Variants in SMG1 observed in about 807,000 individuals in gnomAD.
SMG1 encodes the protein serine/threonine-protein kinase SMG1.
SMG1 carries 22 observed loss-of-function variants against 419.9 expected under a neutral mutation model. That is an observed-to-expected ratio of 0.05 (90% CI 0.04 to 0.07). The LOEUF is 0.07. Ranked by LOEUF, SMG1 falls within the 10% of genes least tolerant of loss-of-function variation. The pLI, the probability that SMG1 is intolerant of heterozygous loss-of-function variation, is 1.00. For synonymous variants in SMG1, 1,538 were observed against 1,553.5 expected (o/e 0.99, Z 0.23); for missense variants, 3,185 against 4,342.0 (o/e 0.73, Z 7.49).
chr16:18,917,869 GC>G (rs1567464711), intron 1 of SMG1, among the ~76,000 whole-genome samples: 1 of 150,724 alleles, frequency 6.6e-6, no homozygotes, highest in Non-Finnish European at 1.5e-5. Flanking sequence ...GAGCCACCAC[GC>G]CCAGCCCACA....
intron 56 of SMG1, among the ~76,000 whole-genome samples, chr16:18,818,983 A>AT (rs2032273955): frequency 6.6e-6 from 1 of 152,020 alleles, no homozygotes; most frequent in Non-Finnish European, 1.5e-5. Context: ...CACCCAGCTA[A>AT]TTTTTTTGTA....
Position 18,806,087 on chromosome 16 carries a change from A to C in SMG1, c.*3482T>G, listed in dbSNP as rs2030806077. 1 of 152,640 alleles carries C rather than the reference A, an allele frequency of 6.6e-6. No homozygotes were observed. Among genetic ancestry groups the C allele is most frequent in the Non-Finnish European group, 1.5e-5 (1 of 68,042 alleles). The allele number at this position is 152,640 out of a possible 1,614,324, so 9.5% of individuals were successfully genotyped here. On this transcript the variant is annotated 3_prime_UTR_variant, in exon 63 of 63. Transcript: ENST00000446231. ...TACTGCCTATAATACCCCAGATTAA[A>C]AAGGACCGAAGATTGCACATCAAGT...
chr16:18,816,565 C>T (rs758309279), intron 57 of SMG1, 36 bp from the exon 58 acceptor site: 3 of 1,558,016 alleles, frequency 1.9e-6, no homozygotes, highest in African/African-American at 1.4e-5. Context: ...CTTCGAGTAT[C>T]AGCTGAAATA....
chr16:18,922,503 T>C (rs1252865614), intron 1 of SMG1, among the ~76,000 whole-genome samples: 1 of 152,198 alleles, frequency 6.6e-6, no homozygotes, highest in Admixed American at 6.5e-5. Flanking sequence ...TCTTGCTCTG[T>C]TGCCCAGGCT....
intron 15 of SMG1, 35 bp downstream of exon 15, chr16:18,872,149 G>C: frequency 8.3e-7 from 1 of 1,211,618 alleles, no homozygotes; most frequent in Non-Finnish European, 1.1e-6. Flanking sequence ...AATTAACAAA[G>C]TTAGGAATAG....
At chr16:18,909,471 G>A (rs950826505) in intron 1 of SMG1, among the ~76,000 whole-genome samples, 1 of 152,162 alleles carries the variant, frequency 6.6e-6, no homozygotes, top group Non-Finnish European at 1.5e-5. Context: ...TCGAGCCCAG[G>A]AGTTTGAGAC....
At chr16:18,899,352 ATT>A (rs1229694329) in intron 1 of SMG1, among the ~76,000 whole-genome samples, 1 of 152,120 alleles carries the variant, frequency 6.6e-6, no homozygotes, top group Non-Finnish European at 1.5e-5. Flanking sequence ...CCCAAAAAAA[ATT>A]TGTGTTTTCA....
rs2034365306 is a variant in SMG1 at position 18,847,999 on chromosome 16, A to C, written c.5658T>G (p.Leu1886=). 3 of 1,613,830 alleles carry C rather than the reference A, an allele frequency of 1.9e-6. No individual in the cohort carries two copies. Among genetic ancestry groups the C allele is most frequent in the Non-Finnish European group, 2.5e-6 (3 of 1,179,850 alleles). The change falls in exon 37 of 63, where the codon CTT becomes CTG. Residue 1886 remains leucine, a synonymous_variant. Coordinates refer to ENST00000446231, the MANE Select transcript of SMG1 (RefSeq NM_015092.5). ...GCAATTCTTCTCCTTGAATATTGCCAAGTAAAGTTGGAATTGCAGTGGAAA... is the reference window on the plus strand; with the variant it reads ...GCAATTCTTCTCCTTGAATATTGCCCAGTAAAGTTGGAATTGCAGTGGAAA... ...NKFSTAIPTL[L]GNIQGEELLV...
At chr16:18,900,470 TGTAA>T (rs2037303378) in intron 1 of SMG1, among the ~76,000 whole-genome samples, 2 of 152,116 alleles carry the variant, frequency 1.3e-5, no homozygotes, top group African/African-American at 4.8e-5. Flanking sequence ...AGTCCATTCT[TGTAA>T]GTATTAGAGA....
At chr16:18,862,754 ACAGC>A (rs1485256026) in intron 25 of SMG1, among the ~76,000 whole-genome samples, 7 of 152,202 alleles carry the variant, frequency 4.6e-5, no homozygotes, top group Admixed American at 4.6e-4. Flanking sequence ...TACTAGAATA[ACAGC>A]CAAAGTTCTT....
At chr16:18,858,822 C>T (rs184899481) in intron 28 of SMG1, 200 bp downstream of exon 28, 6 of 472,304 alleles carry the variant, frequency 1.3e-5, no homozygotes, top group African/African-American at 1.2e-4. Context: ...ATTTGCCATC[C>T]TTGAGATTAT....
chr16:18,849,440 G>T, intron 35 of SMG1, 62 bp from the exon 36 acceptor site: 1 of 1,471,016 alleles, frequency 6.8e-7, no homozygotes, highest in South Asian at 1.2e-5. Context: ...GAAACTATCA[G>T]CATCGTAGAT....
At chr16:18,884,297 C>T (rs1410237671) in intron 8 of SMG1, 130 bp from the exon 9 acceptor site, 2 of 478,114 alleles carry the variant, frequency 4.2e-6, no homozygotes, top group South Asian at 4.3e-5. Context: ...AAAACATGTC[C>T]TATATCATAA....
At chr16:18,870,968 T>C in intron 16 of SMG1, 80 bp from the exon 17 acceptor site, 1 of 739,064 alleles carries the variant, frequency 1.4e-6, no homozygotes. Context: ...TCTGAATCCA[T>C]TCATTCATTC....
intron 1 of SMG1, among the ~76,000 whole-genome samples, chr16:18,906,007 C>T (rs868011453): frequency 1.3e-5 from 2 of 152,136 alleles, no homozygotes. Flanking sequence ...TCATCACACC[C>T]ATCTGGTAAA....
chr16:18,831,770 A>ACATATAT (rs57580914), intron 51 of SMG1, among the ~76,000 whole-genome samples: 1 of 93,340 alleles, frequency 1.1e-5, no homozygotes, highest in African/African-American at 3.9e-5. Flanking sequence ...AAAAAAAAAA[A>ACATATAT]ATACATATAT....
At chr16:18,868,138 C>T (rs1450487406) in intron 22 of SMG1, 52 bp downstream of exon 22, 3 of 1,476,546 alleles carry the variant, frequency 2.0e-6, no homozygotes, top group Admixed American at 1.9e-5. Context: ...GGAATTAAAC[C>T]ATGCTTTTCT....
chr16:18,830,197 T>C (rs756812608), intron 52 of SMG1, 22 bp downstream of exon 52: 7 of 1,612,774 alleles, frequency 4.3e-6, no homozygotes, highest in Non-Finnish European at 5.9e-6. Context: ...TGCATTATTT[T>C]TAAATCCAAG....
chr16:18,896,001 T>C, intron 3 of SMG1, 51 bp downstream of exon 3: 1 of 1,522,494 alleles, frequency 6.6e-7, no homozygotes. Flanking sequence ...TAAGAGGAGA[T>C]ACAAGTCTTT....
Sources: allele counts gnomAD v4.1 joint callset (sites outside exome capture counted in the v4.1 genomes callset), GRCh38; gene constraint gnomAD v4.1.1; transcripts MANE v1.5; gene names NCBI Gene and HGNC (gene_info 2026-07-23, HGNC 2026-07-21).